NLRP9: variants seen among roughly 807,000 people sequenced by gnomAD.
NLRP9 encodes NLR family pyrin domain containing 9.
Under a neutral mutation model 83.1 loss-of-function variants are expected in NLRP9, and 88 were observed. The ratio of observed to expected loss-of-function variants is 1.06; its 90% CI spans 0.89 to 1.26. The LOEUF is 1.26. Ranked by LOEUF, NLRP9 falls within the 50% of genes most tolerant of loss-of-function variation. NLRP9 has a pLI of 0.00. For missense variants in NLRP9, 1,308 were observed against 1,179.3 expected (o/e 1.11, Z -1.60); for synonymous variants, 521 against 447.6 (o/e 1.16, Z -2.07).
At chr19:55,731,863 G>A (rs903017192) in intron 2 of NLRP9, 136 bp downstream of exon 2, 2 of 588,868 alleles carry the variant, frequency 3.4e-6, no homozygotes, top group African/African-American at 3.7e-5. Context: ...CAGTGCCAAG[G>A]CTCGAAAGGA....
rs138973578 is a variant in NLRP9 at position 55,716,819 on chromosome 19, G to C, written c.2239C>G (p.Leu747Val). The C allele has an allele frequency of 3.3e-4, 538 of 1,613,728 alleles. 1 individual carries two copies. The highest frequency in any genetic ancestry group is 3.1e-4 in the Non-Finnish European group (366 of 1,179,866). Residue 747 changes from leucine to valine, a missense_variant, in exon 5 of 9, where the codon CTC becomes GTC. By Grantham distance (32) the Leu-to-Val change is conservative. Coordinates refer to ENST00000332836, the MANE Select transcript of NLRP9 (RefSeq NM_176820.4). ...VLACNSKLKH[L>V]SLVENPLRDE... ...CTCAAGGGATTTTCTACCAAGGAGA[G>C]GTGTTTCAGCTTGCTGTTGCAGGCC...
At chr19:55,730,658 C>G (rs1988545593) in intron 2 of NLRP9, among the ~76,000 whole-genome samples, 1 of 152,082 alleles carries the variant, frequency 6.6e-6, no homozygotes, top group Non-Finnish European at 1.5e-5. Context: ...AATGCAGGGA[C>G]AGAAAACCAA....
chr19:55,725,899 A>C (rs1988386402), intron 3 of NLRP9, among the ~76,000 whole-genome samples: 1 of 151,792 alleles, frequency 6.6e-6, no homozygotes, highest in African/African-American at 2.4e-5. Context: ...GGTGGCGGGC[A>C]CCTGTAGTCC....
chr19:55,735,880 G>A (rs780277998), intron 1 of NLRP9, among the ~76,000 whole-genome samples: 2 of 151,642 alleles, frequency 1.3e-5, no homozygotes, highest in Non-Finnish European at 2.9e-5. Flanking sequence ...TAGATAGAGT[G>A]TCTCACCATG....
intron 4 of NLRP9, among the ~76,000 whole-genome samples, chr19:55,720,073 A>G (rs1002137629): frequency 6.6e-6 from 1 of 152,190 alleles, no homozygotes; most frequent in Non-Finnish European, 1.5e-5. Flanking sequence ...CAAAAATAAA[A>G]TCAAAACAGA....
chr19:55,730,255 G>T lies in NLRP9; in HGVS notation c.1833-263C>A, dbSNP rs533567611. Among the ~76,000 whole-genome samples the T allele has an allele frequency of 3.9e-5, 6 of 152,222 alleles. No homozygotes were observed. In the East Asian group the frequency reaches 1.2e-3, roughly 29 times the overall value. ...AATCGCTTGAGCTTAGGAGTTTGAG[G>T]ACGGCCTGGGCAACATAGCAAGACT... On this transcript the variant is annotated intron_variant, in intron 2 of 8. Coordinates refer to ENST00000332836, the MANE Select transcript of NLRP9 (RefSeq NM_176820.4).
At chr19:55,721,913 A>G (rs1988237606) in intron 4 of NLRP9, among the ~76,000 whole-genome samples, 1 of 148,416 alleles carries the variant, frequency 6.7e-6, no homozygotes, top group Non-Finnish European at 1.5e-5. Context: ...CCCAAGCCAC[A>G]TCGAACTGCA....
At position 55,733,160 on chromosome 19, in the gene NLRP9, A is replaced by C. The variant is rs1447032672; in HGVS notation, c.671T>G (p.Leu224Arg). The C allele has an allele frequency of 6.2e-7, 1 of 1,614,164 alleles. No homozygotes were observed. Among genetic ancestry groups the C allele is most frequent in the Non-Finnish European group, 8.5e-7 (1 of 1,180,028 alleles). The change falls in exon 2 of 9, where the codon CTG becomes CGG. Residue 224 changes from leucine to arginine, a missense_variant. By Grantham distance (102) the Leu-to-Arg change is moderately radical (BLOSUM62 -2). Transcript: ENST00000332836. ...EDIFSQPERI[L>R]FIMDGFEQLK... ...TTGCTCAAAGCCATCCATGATGAACAGAATTCTCTCTGGCTGGGAAAAAAT... is the reference window on the plus strand; with the variant it reads ...TTGCTCAAAGCCATCCATGATGAACCGAATTCTCTCTGGCTGGGAAAAAAT...
At chr19:55,729,050 C>CT (rs374589373) in intron 3 of NLRP9, among the ~76,000 whole-genome samples, 719 of 70,216 alleles carry the variant, frequency 0.01, 10 homozygotes, top group Non-Finnish European at 0.015. Flanking sequence ...TTTTCTTTTT[C>CT]TTTTTTTTTT....
intron 4 of NLRP9, among the ~76,000 whole-genome samples, chr19:55,722,153 C>T (rs1286727411): frequency 6.8e-6 from 1 of 146,614 alleles, no homozygotes; most frequent in Non-Finnish European, 1.5e-5. Flanking sequence ...GACCTTCCAC[C>T]ACCAATACCA....
At chr19:55,711,478 T>C (rs904474524) in intron 8 of NLRP9, 2 of 1,329,376 alleles carry the variant, frequency 1.5e-6, no homozygotes, top group African/African-American at 3.0e-5. Context: ...GCAACGTAAG[T>C]AGAAGATGTT....
At position 55,712,580 on chromosome 19, in the gene NLRP9, A is replaced by G; in HGVS notation, c.2512T>C (p.Cys838Arg). 6.2e-7 allele frequency: 1 copy of G among 1,612,300 alleles called. No individual in the cohort carries two copies. Among genetic ancestry groups the G allele is most frequent in the Non-Finnish European group, 8.5e-7 (1 of 1,179,818 alleles). The part of the protein sequence containing the change: ...CSIRELWLMG[C>R]FLTSDSCKDI... ...TTACAGGAATCGGAAGTAAGGAAAC[A>G]GCCCATCAACCTGGGGAGGTGGAAG... Residue 838 changes from cysteine to arginine, a missense_variant, in exon 7 of 9, where the codon TGT (cysteine) becomes CGT (arginine). By Grantham distance (180) the Cys-to-Arg change is radical. Transcript: ENST00000332836.
chr19:55,709,259 A>G, intron 8 of NLRP9: 1 of 332,730 alleles, frequency 3.0e-6, no homozygotes, highest in Non-Finnish European at 5.4e-6. Context: ...TACAGGATGT[A>G]TCAATTAAGA....
chr19:55,737,832 TC>T (rs1385018834), intron 1 of NLRP9, among the ~76,000 whole-genome samples: 1 of 148,038 alleles, frequency 6.8e-6, no homozygotes, highest in African/African-American at 2.5e-5. Context: ...GCCACTCATC[TC>T]CTATAACAAC....
intron 3 of NLRP9, among the ~76,000 whole-genome samples, chr19:55,728,467 G>C (rs968473713): frequency 8.5e-5 from 13 of 152,090 alleles, no homozygotes; most frequent in African/African-American, 2.9e-4. Flanking sequence ...AGTTACTCGG[G>C]AGACTGAGGC....
intron 7 of NLRP9, 53 bp downstream of exon 7, chr19:55,712,367 C>A: frequency 6.8e-7 from 1 of 1,479,164 alleles, no homozygotes; most frequent in Non-Finnish European, 9.4e-7. Flanking sequence ...TCCAGCAATT[C>A]CTATTCTTGA....
intron 6 of NLRP9, among the ~76,000 whole-genome samples, chr19:55,713,373 A>C (rs1411726015): frequency 6.6e-6 from 1 of 151,744 alleles, no homozygotes; most frequent in Non-Finnish European, 1.5e-5. Flanking sequence ...GACAGATGAC[A>C]TATAGATACA....
chr19:55,713,414 G>A (rs958377789), intron 6 of NLRP9, among the ~76,000 whole-genome samples: 16 of 151,776 alleles, frequency 1.1e-4, no homozygotes, highest in African/African-American at 3.4e-4. Context: ...ATAGGCACGT[G>A]TCTACCCACA....
chr19:55,725,209 C>T (rs1349504372), intron 3 of NLRP9, among the ~76,000 whole-genome samples: 1 of 152,106 alleles, frequency 6.6e-6, no homozygotes, highest in Admixed American at 6.6e-5. Flanking sequence ...CAGATATGTA[C>T]ATATTTACCA....
Sources: gnomAD v4.1 joint callset for allele counts (sites outside exome capture counted in the v4.1 genomes callset) on GRCh38, gnomAD v4.1.1 for gene constraint, MANE v1.5 for transcripts, NCBI Gene and HGNC (gene_info 2026-07-23, HGNC 2026-07-21) for gene names.